SGMS1: variants seen among roughly 807,000 people sequenced by gnomAD.
SGMS1 encodes the protein phosphatidylcholine:ceramide cholinephosphotransferase 1.
In SGMS1, 13 loss-of-function variants were observed where a neutral mutation model predicts 46.2. The observed-to-expected ratio is 0.28, with a 90% CI of 0.18 to 0.45. The LOEUF is 0.45. Ranked by LOEUF, SGMS1 falls within the 20% of genes least tolerant of loss-of-function variation. The pLI is 1.00. For synonymous variants in SGMS1, 203 were observed against 187.8 expected (o/e 1.08, Z -0.66); for missense variants, 324 against 519.9 (o/e 0.62, Z 3.66).
chr10:50,383,028 TAAG>T (rs1260675322), intron 6 of SGMS1, among the ~76,000 whole-genome samples: 2 of 152,192 alleles, frequency 1.3e-5, no homozygotes, highest in Non-Finnish European at 1.5e-5. Context: ...AATAGAGTCT[TAAG>T]AAGAAGTAAA....
chr10:50,410,884 C>T (rs1849086870), intron 6 of SGMS1, among the ~76,000 whole-genome samples: 1 of 152,228 alleles, frequency 6.6e-6, no homozygotes, highest in Non-Finnish European at 1.5e-5. Context: ...CCTCTTCAGA[C>T]AATTTCCCTC....
At chr10:50,357,611 T>C (rs1343037458) in intron 6 of SGMS1, among the ~76,000 whole-genome samples, 3 of 152,198 alleles carry the variant, frequency 2.0e-5, no homozygotes, top group African/African-American at 7.2e-5. Flanking sequence ...TTTCCTAGTA[T>C]GGAATAATTT....
chr10:50,600,420 C>T (rs759792397), intron 1 of SGMS1, among the ~76,000 whole-genome samples: 2 of 152,186 alleles, frequency 1.3e-5, no homozygotes, highest in South Asian at 2.1e-4. Context: ...ATTAGTGACA[C>T]GCCCAGATGA....
intron 5 of SGMS1, among the ~76,000 whole-genome samples, chr10:50,457,620 A>C (rs1268311176): frequency 6.6e-6 from 1 of 151,868 alleles, no homozygotes; most frequent in Non-Finnish European, 1.5e-5. Flanking sequence ...TCCCATCTTT[A>C]TGTAGTCAAT....
chr10:50,392,190 T>TA (rs35016002), intron 6 of SGMS1, among the ~76,000 whole-genome samples: 99,948 of 147,322 alleles, frequency 0.68, 33,682 homozygotes, highest in Middle Eastern at 0.81. Context: ...AAGTAAAAGT[T>TA]AAAAAAAAAA....
At chr10:50,384,307 C>T (rs916460694) in intron 6 of SGMS1, among the ~76,000 whole-genome samples, 4 of 152,052 alleles carry the variant, frequency 2.6e-5, no homozygotes, top group Admixed American at 2.6e-4. Flanking sequence ...TTTCTTTATC[C>T]TAAAATGAAA....
chr10:50,397,197 T>C (rs1848859853), intron 6 of SGMS1, among the ~76,000 whole-genome samples: 1 of 152,160 alleles, frequency 6.6e-6, no homozygotes, highest in African/African-American at 2.4e-5. Flanking sequence ...TAACTGCCCT[T>C]GAGGAGATGG....
At chr10:50,567,531 C>G (rs555698030) in intron 2 of SGMS1, among the ~76,000 whole-genome samples, 8 of 152,304 alleles carry the variant, frequency 5.3e-5, no homozygotes, top group South Asian at 2.1e-4. Context: ...TCCCCACCCC[C>G]ACTTGGGCTG....
intron 6 of SGMS1, among the ~76,000 whole-genome samples, chr10:50,373,946 T>A (rs987745169): frequency 2.2e-4 from 33 of 152,162 alleles, no homozygotes; most frequent in African/African-American, 7.7e-4. Flanking sequence ...TATATAGACA[T>A]CCTGTTCATT....
At chr10:50,386,759 C>T (rs1848689466) in intron 6 of SGMS1, among the ~76,000 whole-genome samples, 1 of 152,168 alleles carries the variant, frequency 6.6e-6, no homozygotes, top group Non-Finnish European at 1.5e-5. Flanking sequence ...TCAGCACACC[C>T]CTGCCCCACC....
intron 1 of SGMS1, among the ~76,000 whole-genome samples, 193 bp from the exon 2 acceptor site, chr10:50,590,440 AG>A (rs1337227094): frequency 6.6e-6 from 1 of 152,194 alleles, no homozygotes; most frequent in Non-Finnish European, 1.5e-5. Context: ...AACAACTATC[AG>A]CCCCACCCAC....
chr10:50,496,727 TAC>T (rs1289531868), intron 3 of SGMS1, among the ~76,000 whole-genome samples: 1 of 152,166 alleles, frequency 6.6e-6, no homozygotes, highest in Non-Finnish European at 1.5e-5. Flanking sequence ...TCTCTACCAG[TAC>T]CTAGGCCTGG....
chr10:50,390,409 G>A (rs984701355), intron 6 of SGMS1, among the ~76,000 whole-genome samples: 1 of 152,148 alleles, frequency 6.6e-6, no homozygotes, highest in Non-Finnish European at 1.5e-5. Context: ...TAGAACTTTG[G>A]TTTTGAATAA....
intron 2 of SGMS1, among the ~76,000 whole-genome samples, chr10:50,535,233 A>AACC (rs1837990043): frequency 0.012 from 1 of 82 alleles, no homozygotes; most frequent in South Asian, 0.25. Flanking sequence ...TCCATCTCAA[A>AACC]ACAACAACAA....
chr10:50,383,565 A>T (rs1848638861), intron 6 of SGMS1, among the ~76,000 whole-genome samples: 1 of 152,170 alleles, frequency 6.6e-6, no homozygotes, highest in Non-Finnish European at 1.5e-5. Flanking sequence ...TATAATCTGG[A>T]GACCCAGGAT....
intron 2 of SGMS1, among the ~76,000 whole-genome samples, chr10:50,537,992 T>A (rs1431013025): frequency 6.6e-6 from 1 of 152,148 alleles, no homozygotes; most frequent in Non-Finnish European, 1.5e-5. Flanking sequence ...AAGGCACTGC[T>A]ACTCAGGAGG....
chr10:50,396,963 C>T (rs1386759709), intron 6 of SGMS1, among the ~76,000 whole-genome samples: 1 of 152,144 alleles, frequency 6.6e-6, no homozygotes, highest in Non-Finnish European at 1.5e-5. Flanking sequence ...TGCACACTCT[C>T]AGGAGCTCAA....
chr10:50,358,825 A>T (rs939700027), intron 6 of SGMS1, among the ~76,000 whole-genome samples: 1 of 152,260 alleles, frequency 6.6e-6, no homozygotes, highest in African/African-American at 2.4e-5. Context: ...CTAATAAGGT[A>T]TAGATTTGTT....
In SGMS1 at chr10:50,559,306, C is replaced by T. The variant is rs529822696; in HGVS notation, c.-589+30847G>A. Among the ~76,000 whole-genome samples the T allele has an allele frequency of 2.6e-5, 4 of 152,300 alleles. No individual in the cohort carries two copies. In the South Asian group the frequency reaches 8.3e-4, roughly 32 times the overall value. ...CCACCAACCATACAACCACACAGCCCACCCTGACCCAGCTGCCAGAGGCGT... is the reference window on the plus strand; with the variant it reads ...CCACCAACCATACAACCACACAGCCTACCCTGACCCAGCTGCCAGAGGCGT... On this transcript the variant is annotated intron_variant, in intron 2 of 10. Transcript: ENST00000361781.
Sources: gnomAD v4.1 joint callset for allele counts (sites outside exome capture counted in the v4.1 genomes callset) on GRCh38, gnomAD v4.1.1 for gene constraint, MANE v1.5 for transcripts, NCBI Gene and HGNC (gene_info 2026-07-23, HGNC 2026-07-21) for gene names.